PPFIA2: variants seen among roughly 807,000 people sequenced by gnomAD.
PPFIA2 encodes the protein liprin-alpha-2.
Under a neutral mutation model 175.5 loss-of-function variants are expected in PPFIA2, and 46 were observed. The ratio of observed to expected loss-of-function variants is 0.26; its 90% CI spans 0.21 to 0.34. The LOEUF is 0.34. PPFIA2 is among the 10% of genes least tolerant of loss of function. The pLI is 1.00. For synonymous variants in PPFIA2, 568 were observed against 511.4 expected, an observed-to-expected ratio of 1.11 and a Z score of -1.49; for missense variants, 1,179 against 1,506.1, an observed-to-expected ratio of 0.78 and a Z score of 3.60.
In PPFIA2 at chr12:81,455,267, G is replaced by A. The variant is rs113864402; in HGVS notation, c.405+2498C>T. 3.9e-5 allele frequency among the ~76,000 whole-genome samples: 6 copies of A among 152,248 alleles called. 1 individual carries two copies. The highest frequency in any genetic ancestry group is 1.4e-4 in the African/African-American group (6 of 41,546). On this transcript the variant is annotated intron_variant, in intron 5 of 32. Coordinates refer to ENST00000549396, the MANE Select transcript of PPFIA2 (RefSeq NM_003625.5). ...TTCAGCTCTGGATATACTACTTCTG[G>A]GGGATGGAGGAGGGTGAGAGGTGGT...
chr12:81,375,735 C>T (rs530763282), intron 10 of PPFIA2, 61 bp downstream of exon 10: 31 of 1,494,216 alleles, frequency 2.1e-5, no homozygotes, highest in South Asian at 7.0e-5. Flanking sequence ...TTATTTACTC[C>T]GTTTTGTGAG....
intron 27 of PPFIA2, among the ~76,000 whole-genome samples, chr12:81,278,171 A>G (rs1437113995): frequency 6.6e-6 from 1 of 152,200 alleles, no homozygotes; most frequent in Non-Finnish European, 1.5e-5. Context: ...AAAGCCTTAA[A>G]TTGTGTTTAA....
intron 22 of PPFIA2, chr12:81,312,220 A>C: frequency 1.3e-6 from 2 of 1,488,324 alleles, no homozygotes; most frequent in Non-Finnish European, 1.8e-6. Context: ...CACAAATGTT[A>C]ATGGATACAG....
At position 81,276,773 on chromosome 12, in the gene PPFIA2, T is replaced by C. The variant is rs190994432; in HGVS notation, c.3310+544A>G. Among the ~76,000 whole-genome samples the C allele has an allele frequency of 2.4e-4, 37 of 152,334 alleles. 1 individual carries two copies. The highest frequency in any genetic ancestry group is 2.4e-3 in the Admixed American group (37 of 15,310). ...ACATAACAGCTGCAGCAATTTACACTGTTCCTGATAATATTACCAGCTAAA... is the reference window on the plus strand; with the variant it reads ...ACATAACAGCTGCAGCAATTTACACCGTTCCTGATAATATTACCAGCTAAA... On this transcript the variant is annotated intron_variant, in intron 28 of 32. Transcript: ENST00000549396.
chr12:81,311,749 AAAAGAAAG>A (rs1256034829), intron 22 of PPFIA2, among the ~76,000 whole-genome samples: 1 of 143,030 alleles, frequency 7.0e-6, no homozygotes, highest in Non-Finnish European at 1.5e-5. Context: ...AAAAAAAAAA[AAAAGAAAG>A]AAAGAAAGAA....
intron 4 of PPFIA2, among the ~76,000 whole-genome samples, chr12:81,611,679 T>A (rs1271842980): frequency 6.6e-6 from 1 of 152,142 alleles, no homozygotes; most frequent in Non-Finnish European, 1.5e-5. Context: ...AGCTCTCTTC[T>A]GGCTCAGAAG....
At chr12:81,380,001 A>T (rs1272759504) in intron 9 of PPFIA2, among the ~76,000 whole-genome samples, 8 of 152,194 alleles carry the variant, frequency 5.3e-5, no homozygotes, top group Non-Finnish European at 8.8e-5. Context: ...TACATTTATT[A>T]CCTGTACAAT....
chr12:81,690,790 C>T (rs186577912), intron 3 of PPFIA2, among the ~76,000 whole-genome samples: 19 of 152,196 alleles, frequency 1.2e-4, no homozygotes, highest in African/African-American at 4.3e-4. Context: ...GTTCCTTCTG[C>T]AGACTTCAGA....
At chr12:81,474,598 T>C (rs1225273056) in intron 4 of PPFIA2, among the ~76,000 whole-genome samples, 1 of 152,210 alleles carries the variant, frequency 6.6e-6, no homozygotes, top group East Asian at 1.9e-4. Context: ...GGCCCTCTTG[T>C]GGAGTTTAAA....
intron 4 of PPFIA2, chr12:81,512,269 T>C (rs1248541766): frequency 7.9e-7 from 1 of 1,272,274 alleles, no homozygotes; most frequent in East Asian, 5.6e-5. Context: ...CACCTCATGC[T>C]GACACAAAAC....
intron 4 of PPFIA2, among the ~76,000 whole-genome samples, chr12:81,514,612 T>C (rs773053551): frequency 3.3e-5 from 5 of 151,930 alleles, no homozygotes; most frequent in Non-Finnish European, 5.9e-5. Context: ...AGGCTGAAAT[T>C]AGAAATAAAA....
intron 4 of PPFIA2, among the ~76,000 whole-genome samples, chr12:81,621,241 G>A (rs749233965): frequency 2.0e-5 from 3 of 152,180 alleles, no homozygotes; most frequent in Non-Finnish European, 4.4e-5. Context: ...ATCCAAAGGT[G>A]CTAGGTAGGC....
chr12:81,752,689 T>C (rs914194877), intron 3 of PPFIA2, among the ~76,000 whole-genome samples: 3 of 152,236 alleles, frequency 2.0e-5, no homozygotes, highest in African/African-American at 7.2e-5. Flanking sequence ...GAGTTAATAG[T>C]ACAGATAGCT....
chr12:81,520,462 T>C (rs1038483206), intron 4 of PPFIA2, among the ~76,000 whole-genome samples: 1 of 152,194 alleles, frequency 6.6e-6, no homozygotes, highest in African/African-American at 2.4e-5. Flanking sequence ...GAACTGAAAG[T>C]GAAACTATGA....
intron 19 of PPFIA2, among the ~76,000 whole-genome samples, chr12:81,343,216 G>A (rs1291876218): frequency 1.3e-5 from 2 of 151,856 alleles, no homozygotes; most frequent in African/African-American, 4.8e-5. Context: ...TTTTTTGGTT[G>A]TGGTCCCTCT....
intron 22 of PPFIA2, chr12:81,302,046 A>G: frequency 3.7e-6 from 1 of 270,836 alleles, no homozygotes; most frequent in Non-Finnish European, 7.4e-6. Context: ...AAGATCAGGC[A>G]CAGAAGAGGT....
chr12:81,434,313 A>G (rs552938586), intron 7 of PPFIA2, among the ~76,000 whole-genome samples: 1 of 152,254 alleles, frequency 6.6e-6, no homozygotes, highest in Middle Eastern at 3.4e-3. Flanking sequence ...ATATAAGTAC[A>G]TATTATAGAT....
At chr12:81,645,966 C>T (rs906595656) in intron 4 of PPFIA2, among the ~76,000 whole-genome samples, 3 of 152,200 alleles carry the variant, frequency 2.0e-5, no homozygotes, top group Admixed American at 6.5e-5. Context: ...AACATTTAGT[C>T]CTGCTTTGAT....
Position 81,353,342 on chromosome 12 carries a change from G to T in PPFIA2, c.1774-3C>A. The T allele has an allele frequency of 6.3e-7, 1 of 1,582,850 alleles. No homozygotes were observed. The highest frequency in any genetic ancestry group is 8.7e-7 in the Non-Finnish European group (1 of 1,151,764). ...TCGTGATCCCCAAGAGATTTCACCTGAATGGTGAATGAAAAAATGCAGAAT... is the reference window on the plus strand; with the variant it reads ...TCGTGATCCCCAAGAGATTTCACCTTAATGGTGAATGAAAAAATGCAGAAT... On this transcript the variant is annotated splice_region_variant and splice_polypyrimidine_tract_variant and intron_variant, in intron 16 of 32. Coordinates refer to ENST00000549396, the MANE Select transcript of PPFIA2 (RefSeq NM_003625.5).
Sources: gnomAD v4.1 joint callset for allele counts (sites outside exome capture counted in the v4.1 genomes callset) on GRCh38, gnomAD v4.1.1 for gene constraint, MANE v1.5 for transcripts, NCBI Gene and HGNC (gene_info 2026-07-23, HGNC 2026-07-21) for gene names.